The following MAML3 variants were observed in gnomAD, a reference collection of about 807,000 sequenced individuals.
MAML3 encodes the protein mastermind like transcriptional coactivator 3, also known as mastermind-like protein 3.
MAML3 carries 27 observed loss-of-function variants against 101.9 expected under a neutral mutation model. The ratio of observed to expected loss-of-function variants is 0.27; its 90% confidence interval spans 0.20 to 0.37. The LOEUF (loss-of-function observed/expected upper bound fraction) is 0.37, where lower values mean the gene tolerates loss of function less well. MAML3 is among the 10% of genes least tolerant of loss of function. The probability of loss-of-function intolerance (pLI) is 1.00; values close to 1 mark genes in which losing one functional copy is unlikely to be tolerated. For synonymous variants in MAML3, 501 were observed against 555.9 expected (o/e 0.90, Z 1.39); for missense variants, 1,316 against 1,444.9 (o/e 0.91, Z 1.45).
chr4:140,127,491 C>A (rs1274537631), intron 1 of MAML3, among the ~76,000 whole-genome samples: 3 of 152,194 alleles, frequency 2.0e-5, no homozygotes, highest in Non-Finnish European at 4.4e-5. Flanking sequence ...ATGCTAAGCA[C>A]CTTCCACACG....
In MAML3 at chr4:140,045,513, C is replaced by A. The variant is rs142030496; in HGVS notation, c.468+107347G>T. Among the ~76,000 whole-genome samples, 32 of 150,712 alleles carry A rather than the reference C, an allele frequency of 2.1e-4. No homozygotes were observed. In the East Asian group the frequency reaches 5.1e-3, roughly 24 times the overall value. ...GGACTTTTTTTCAATCTAAAATATTCTTCTAAAGTGTAATTCTAAAGATTA... is the reference window on the plus strand; with the variant it reads ...GGACTTTTTTTCAATCTAAAATATTATTCTAAAGTGTAATTCTAAAGATTA... On this transcript the variant is annotated intron_variant, in intron 1 of 4. Coordinates refer to ENST00000509479, the MANE Select transcript of MAML3 (RefSeq NM_018717.5).
intron 1 of MAML3, among the ~76,000 whole-genome samples, chr4:139,991,529 T>C (rs566339133): frequency 6.6e-6 from 1 of 152,332 alleles, no homozygotes; most frequent in Admixed American, 6.5e-5. Flanking sequence ...ATAAGAATAG[T>C]ATTTACTAAC....
chr4:139,972,414 C>G (rs1328855919), intron 1 of MAML3, among the ~76,000 whole-genome samples: 1 of 152,184 alleles, frequency 6.6e-6, no homozygotes, highest in Admixed American at 6.5e-5. Flanking sequence ...GTTTACAAGC[C>G]TTATCAGAAA....
At chr4:139,851,072 C>T (rs1464351910) in intron 2 of MAML3, among the ~76,000 whole-genome samples, 1 of 152,162 alleles carries the variant, frequency 6.6e-6, no homozygotes, top group Admixed American at 6.5e-5. Context: ...AACTTGGGTT[C>T]TAGAACTTTA....
intron 1 of MAML3, among the ~76,000 whole-genome samples, chr4:140,009,535 T>C (rs1726514450): frequency 1.3e-5 from 2 of 152,242 alleles, no homozygotes; most frequent in Admixed American, 6.5e-5. Flanking sequence ...TGTTTAAGAA[T>C]CATTACATTA....
At chr4:140,038,867 A>G (rs1727031540) in intron 1 of MAML3, among the ~76,000 whole-genome samples, 1 of 152,182 alleles carries the variant, frequency 6.6e-6, no homozygotes, top group South Asian at 2.1e-4. Flanking sequence ...GTGGTGGCTC[A>G]TGCTTGTAAT....
chr4:140,092,223 C>A (rs1728072574), intron 1 of MAML3, among the ~76,000 whole-genome samples: 1 of 151,724 alleles, frequency 6.6e-6, no homozygotes, highest in African/African-American at 2.4e-5. Flanking sequence ...GACACCGAAA[C>A]CTTGCGACTG....
intron 1 of MAML3, among the ~76,000 whole-genome samples, chr4:140,035,373 C>T (rs1038542086): frequency 6.6e-6 from 1 of 152,196 alleles, no homozygotes; most frequent in African/African-American, 2.4e-5. Context: ...TATCTGAACA[C>T]AGGACCCAGG....
chr4:139,916,933 A>T (rs980933404), intron 1 of MAML3, among the ~76,000 whole-genome samples: 2 of 152,118 alleles, frequency 1.3e-5, no homozygotes, highest in African/African-American at 4.8e-5. Flanking sequence ...AAATATAGAG[A>T]TAATGCAGAT....
intron 2 of MAML3, among the ~76,000 whole-genome samples, chr4:139,858,606 A>G (rs2111162853): frequency 6.6e-6 from 1 of 152,280 alleles, no homozygotes; most frequent in Non-Finnish European, 1.5e-5. Flanking sequence ...GTTAATACTC[A>G]GTAAAAATCA....
At chr4:139,760,509 C>G (rs1729733810) in intron 2 of MAML3, among the ~76,000 whole-genome samples, 1 of 152,196 alleles carries the variant, frequency 6.6e-6, no homozygotes, top group Non-Finnish European at 1.5e-5. Flanking sequence ...AGCACAGCGC[C>G]TGGCTCATGG....
chr4:139,836,846 G>A (rs931594362), intron 2 of MAML3, among the ~76,000 whole-genome samples: 3 of 152,146 alleles, frequency 2.0e-5, no homozygotes, highest in African/African-American at 7.2e-5. Context: ...CCTCTGGTCG[G>A]GTGCAGTGGC....
intron 1 of MAML3, among the ~76,000 whole-genome samples, chr4:139,962,747 G>C (rs1195097818): frequency 6.6e-6 from 1 of 152,206 alleles, no homozygotes; most frequent in African/African-American, 2.4e-5. Context: ...GAATGAGAGA[G>C]AGAGGCTGTT....
chr4:140,132,908 G>T (rs28756047), intron 1 of MAML3: 5,200 of 236,000 alleles, frequency 0.022, 229 homozygotes, highest in African/African-American at 0.11. Flanking sequence ...GGTCTACATC[G>T]TGAAACTTCC....
rs79068592 is a variant in MAML3, at chr4:140,073,644, G to A, written c.468+79216C>T. ...CCTCCGCCTGCCATTTTGGGGACAG[G>A]GGGTGTATGTGAGTCAAGCAACATT... On this transcript the variant is annotated intron_variant, in intron 1 of 4. Transcript: ENST00000509479. 5.7e-3 allele frequency among the ~76,000 whole-genome samples: 870 copies of A among 152,222 alleles called. 9 individuals are homozygous for A. The highest frequency in any genetic ancestry group is 0.02 in the African/African-American group (823 of 41,540).
chr4:139,912,143 T>C (rs187921010), intron 1 of MAML3, among the ~76,000 whole-genome samples: 2 of 152,330 alleles, frequency 1.3e-5, no homozygotes, highest in Non-Finnish European at 2.9e-5. Context: ...TTTTCCATAG[T>C]GGCTGCATCA....
At chr4:139,926,966 C>A (rs151116726) in intron 1 of MAML3, among the ~76,000 whole-genome samples, 176 of 152,276 alleles carry the variant, frequency 1.2e-3, no homozygotes, top group African/African-American at 3.9e-3. Context: ...ATTCCTCAGT[C>A]TTTCCTTGCC....
At chr4:140,010,891 T>G (rs1726540311) in intron 1 of MAML3, among the ~76,000 whole-genome samples, 1 of 151,888 alleles carries the variant, frequency 6.6e-6, no homozygotes, top group Non-Finnish European at 1.5e-5. Context: ...TCACTTGAGG[T>G]CAGGAGTTCA....
intron 2 of MAML3, among the ~76,000 whole-genome samples, chr4:139,866,302 G>T (rs771588298): frequency 1.6e-4 from 24 of 152,208 alleles, no homozygotes; most frequent in Admixed American, 3.9e-4. Context: ...GGAGGGACAC[G>T]CTTGTCTCTC....
Sources: gnomAD v4.1 joint callset for allele counts (sites outside exome capture counted in the v4.1 genomes callset) on GRCh38, gnomAD v4.1.1 for gene constraint, MANE v1.5 for transcripts, NCBI Gene and HGNC (gene_info 2026-07-23, HGNC 2026-07-21) for gene names.